The following TMEM117 variants were observed in gnomAD, a reference collection of about 807,000 sequenced individuals.
TMEM117 encodes transmembrane protein 117.
A neutral mutation model predicts 52.4 loss-of-function variants in TMEM117; 27 were observed. That is an observed-to-expected ratio of 0.51 (90% confidence interval 0.38 to 0.71). The LOEUF (loss-of-function observed/expected upper bound fraction) is 0.71. TMEM117 is among the 30% of genes least tolerant of loss of function. TMEM117 has a pLI of 0.00. For synonymous variants in TMEM117, 215 were observed against 206.3 expected, an observed-to-expected ratio of 1.04 and a Z score of -0.36; for missense variants, 556 against 630.5, an observed-to-expected ratio of 0.88 and a Z score of 1.26.
chr12:43,801,370 G>A, the TMEM117 span, among the ~76,000 whole-genome samples: 139 of 152,242 alleles, frequency 9.1e-4, no homozygotes, highest in South Asian at 6.0e-3. Context: ...GTCAAACCCA[G>A]TATTTCTTTC....
intron 1 of TMEM117, 65 bp downstream of exon 1, chr12:43,836,261 C>T (rs1308008062): frequency 6.6e-6 from 1 of 152,294 alleles, no homozygotes; most frequent in Admixed American, 6.5e-5. Context: ...GCAGCGGAGC[C>T]CTCCCGGCCC....
intron 3 of TMEM117, among the ~76,000 whole-genome samples, chr12:44,025,608 G>C (rs967863844): frequency 6.6e-6 from 1 of 152,144 alleles, no homozygotes; most frequent in Admixed American, 6.5e-5. Context: ...GTAATGAAAT[G>C]CTGGGACAAT....
rs368386669 is a variant in TMEM117, at chr12:44,056,044, C to T, written c.411-87481C>T. 3.0e-4 allele frequency among the ~76,000 whole-genome samples: 45 copies of T among 152,112 alleles called. No individual in the cohort carries two copies. In the East Asian group the frequency reaches 7.7e-3, roughly 26 times the overall value. ...GGAATTACAAGTATATAGATGCATA[C>T]GTATTTTTTAATTAAAATTTTACAT... is the stretch of plus-strand genomic sequence containing the variant. On this transcript the variant is annotated intron_variant, in intron 3 of 7. Transcript: ENST00000266534.
chr12:44,156,754 C>A (rs2138242283), intron 4 of TMEM117, among the ~76,000 whole-genome samples: 1 of 152,132 alleles, frequency 6.6e-6, no homozygotes, highest in African/African-American at 2.4e-5. Flanking sequence ...ATACAACAAG[C>A]AGGCATGAGG....
At chr12:44,225,404 T>C (rs1949847744) in intron 5 of TMEM117, among the ~76,000 whole-genome samples, 1 of 152,194 alleles carries the variant, frequency 6.6e-6, no homozygotes, top group East Asian at 1.9e-4. Flanking sequence ...AGTGCAGTGA[T>C]ACAGTTTCTG....
chr12:44,033,890 TG>T (rs1946671962), intron 3 of TMEM117, among the ~76,000 whole-genome samples: 1 of 152,206 alleles, frequency 6.6e-6, no homozygotes, highest in African/African-American at 2.4e-5. Context: ...AAGGTGCTGG[TG>T]ATCTTTTCAG....
At chr12:44,059,602 A>G (rs1052585248) in intron 3 of TMEM117, among the ~76,000 whole-genome samples, 7 of 152,324 alleles carry the variant, frequency 4.6e-5, no homozygotes, top group Admixed American at 3.3e-4. Flanking sequence ...CTCTTGTGAC[A>G]TTGAAGAAAT....
At chr12:44,245,807 T>G (rs1950122060) in intron 5 of TMEM117, among the ~76,000 whole-genome samples, 1 of 152,044 alleles carries the variant, frequency 6.6e-6, no homozygotes, top group Non-Finnish European at 1.5e-5. Flanking sequence ...AGAATGATTG[T>G]TAGGAAAAAA....
chr12:44,208,037 AAATG>A (rs1166996243), intron 4 of TMEM117, among the ~76,000 whole-genome samples: 8 of 152,264 alleles, frequency 5.3e-5, no homozygotes, highest in African/African-American at 1.9e-4. Flanking sequence ...GCTGTATAGC[AAATG>A]TGAAGTATAA....
At chr12:43,836,553 T>C (rs1461381101) in intron 1 of TMEM117, among the ~76,000 whole-genome samples, 2 of 152,050 alleles carry the variant, frequency 1.3e-5, no homozygotes, top group African/African-American at 2.4e-5. Context: ...CCTTGAACTT[T>C]CCTTGCTTCA....
chr12:44,031,511 AT>A (rs1463734827), intron 3 of TMEM117, among the ~76,000 whole-genome samples: 2 of 152,234 alleles, frequency 1.3e-5, no homozygotes, highest in Non-Finnish European at 2.9e-5. Flanking sequence ...CAGGACTCTC[AT>A]TGATAGCTGA....
intron 2 of TMEM117, among the ~76,000 whole-genome samples, chr12:43,884,133 C>CAAA (rs758603064): frequency 1.4e-5 from 1 of 69,624 alleles, no homozygotes; most frequent in Admixed American, 1.7e-4. Flanking sequence ...GATACCATCT[C>CAAA]AAAAAAAAAA....
At chr12:44,153,329 C>G (rs1379565963) in intron 4 of TMEM117, among the ~76,000 whole-genome samples, 1 of 151,958 alleles carries the variant, frequency 6.6e-6, no homozygotes, top group Non-Finnish European at 1.5e-5. Flanking sequence ...ACTATTCTGA[C>G]AAACTGAATA....
chr12:43,946,394 TGTTTG>T (rs776250604), intron 3 of TMEM117, among the ~76,000 whole-genome samples: 29 of 68,332 alleles, frequency 4.2e-4, no homozygotes, highest in East Asian at 8.5e-4. Flanking sequence ...TTTTTTTTTT[TGTTTG>T]TTTTTTTATC....
chr12:43,855,800 T>G (rs1057140920), intron 2 of TMEM117, among the ~76,000 whole-genome samples: 1 of 152,240 alleles, frequency 6.6e-6, no homozygotes, highest in African/African-American at 2.4e-5. Context: ...TTTCTTAGCT[T>G]TAAGCTTAGT....
At chr12:43,961,503 C>A (rs1945402972) in intron 3 of TMEM117, among the ~76,000 whole-genome samples, 1 of 152,120 alleles carries the variant, frequency 6.6e-6, no homozygotes, top group African/African-American at 2.4e-5. Flanking sequence ...GAATATATGG[C>A]ACCTGGCTTG....
intron 5 of TMEM117, among the ~76,000 whole-genome samples, chr12:44,219,216 ATG>A (rs1794342709): frequency 6.6e-6 from 1 of 152,164 alleles, no homozygotes. Flanking sequence ...CACAAAATTA[ATG>A]TTTCTGTGGC....
chr12:44,356,610 G>T (rs763068012), intron 6 of TMEM117, among the ~76,000 whole-genome samples: 2 of 151,960 alleles, frequency 1.3e-5, no homozygotes, highest in Non-Finnish European at 1.5e-5. Flanking sequence ...CAAATCTTCT[G>T]CCCTCTGTAT....
chr12:44,235,372 C>CTT (rs199764314), intron 5 of TMEM117, among the ~76,000 whole-genome samples: 2 of 142,822 alleles, frequency 1.4e-5, no homozygotes, highest in African/African-American at 2.6e-5. Flanking sequence ...ATCTGAAAAT[C>CTT]TTTTTTTTTT....
Sources: gnomAD v4.1 joint callset for allele counts (sites outside exome capture counted in the v4.1 genomes callset) on GRCh38, gnomAD v4.1.1 for gene constraint, MANE v1.5 for transcripts, NCBI Gene and HGNC (gene_info 2026-07-23, HGNC 2026-07-21) for gene names.